SH2D5: variants seen among roughly 807,000 people sequenced by gnomAD.
The protein encoded by SH2D5 is SH2 domain-containing protein 5.
In SH2D5, 45 loss-of-function variants were observed where a neutral mutation model predicts 48.2. The ratio of observed to expected loss-of-function variants is 0.93; its 90% CI spans 0.73 to 1.20. SH2D5 has a LOEUF of 1.20. Ranked by LOEUF, SH2D5 falls within the 50% of genes most tolerant of loss-of-function variation. SH2D5 has a pLI of 0.00. For missense variants in SH2D5, 538 were observed against 584.1 expected (o/e 0.92, Z 0.81); for synonymous variants, 230 against 249.8 (o/e 0.92, Z 0.75).
rs1038181915 is a variant in SH2D5, at chr1:20,720,908, G to C, written c.*884C>G. The C allele has an allele frequency of 6.6e-6, 1 of 152,364 alleles. No individual in the cohort carries two copies. Among genetic ancestry groups the C allele is most frequent in the Non-Finnish European group, 1.5e-5 (1 of 68,166 alleles). 9.4% of individuals were successfully genotyped at this position (152,364 alleles called of 1,614,324 possible). On this transcript the variant is annotated 3_prime_UTR_variant, in exon 10 of 10. Coordinates refer to ENST00000444387, the MANE Select transcript of SH2D5 (RefSeq NM_001103161.2). The stretch of plus-strand genomic sequence containing the variant: ...CAGCCACCAAACCACATGCGGTCGA[G>C]TTAGGAAGGGCCCTGGTCACCCCTC...
rs1382845068 is a variant in SH2D5, at chr1:20,724,066, A to G, written c.799+17T>C. On this transcript the variant is annotated intron_variant, in intron 7 of 9. Transcript: ENST00000444387. Reference sequence around the variant, plus strand: ...TGTCCCAGGTACACACAGGGCAGGCATGTTCCCACAACTCACAGGCCTCCC... The same window carrying G: ...TGTCCCAGGTACACACAGGGCAGGCGTGTTCCCACAACTCACAGGCCTCCC... 6.2e-7 allele frequency: 1 copy of G among 1,606,576 alleles called. No homozygotes were observed. Among genetic ancestry groups the G allele is most frequent in the Non-Finnish European group, 8.5e-7 (1 of 1,175,782 alleles).
In SH2D5 at chr1:20,729,660, C is replaced by T. The variant is rs968594454; in HGVS notation, c.-42-1574G>A. On this transcript the variant is annotated intron_variant, in intron 1 of 9. Transcript: ENST00000444387. The surrounding 1 kb of genome is among the most constrained non-coding windows in gnomAD (Gnocchi z 4.2). ...TATCCAACAGAGCCCTGGGCAGCAA[C>T]GACGGGTCCCGGGTGTGCTCCCACT... 2.0e-5 allele frequency among the ~76,000 whole-genome samples: 3 copies of T among 152,130 alleles called. No homozygotes were observed. Among genetic ancestry groups the T allele is most frequent in the Non-Finnish European group, 2.9e-5 (2 of 68,026 alleles).
intron 5 of SH2D5, among the ~76,000 whole-genome samples, chr1:20,725,162 T>C (rs2054770683): frequency 6.6e-6 from 1 of 152,236 alleles, no homozygotes. Flanking sequence ...GGCCCAGTGC[T>C]TGTCGGGAGC....
Position 20,725,917 on chromosome 1 carries a change from T to C in SH2D5, c.390+3A>G. 3 of 1,612,954 alleles carry C rather than the reference T, an allele frequency of 1.9e-6. No homozygotes were observed. The highest frequency in any genetic ancestry group is 2.2e-5 in the South Asian group (2 of 91,032). ...GCGGTCCCCTGCCTCAAGCCCCAGA[T>C]ACCTCTCCTGGCTGGCTGCCCACAA... On this transcript the variant is annotated splice_donor_region_variant and intron_variant, in intron 5 of 9. Transcript: ENST00000444387.
chr1:20,731,840 G>A (rs1193565020), intron 1 of SH2D5, among the ~76,000 whole-genome samples: 1 of 152,094 alleles, frequency 6.6e-6, no homozygotes, highest in Admixed American at 6.5e-5. Context: ...CCCGGACCCA[G>A]GAGCGTGCTG....
chr1:20,731,967 G>GC (rs1297550104), intron 1 of SH2D5, among the ~76,000 whole-genome samples: 5 of 151,698 alleles, frequency 3.3e-5, no homozygotes, highest in African/African-American at 1.2e-4. Flanking sequence ...AGCGTACCAA[G>GC]CCCCCCGCCC....
rs2054874769 is a variant in SH2D5, at chr1:20,729,927, A to G, written c.-42-1841T>C. ...GGCTGCCCTCCTGCTTTTCTGGGCT[A>G]TTGCACCCGGATCATTTTCATGTCA... On this transcript the variant is annotated intron_variant, in intron 1 of 9. Transcript: ENST00000444387. The surrounding 1 kb of genome is among the most constrained non-coding windows in gnomAD (Gnocchi z 4.2). Among the ~76,000 whole-genome samples the G allele has an allele frequency of 6.6e-6, 1 of 152,194 alleles. No individual in the cohort carries two copies. The highest frequency in any genetic ancestry group is 2.4e-5 in the African/African-American group (1 of 41,444).
In SH2D5 at chr1:20,724,647, GGAGA is replaced by G. The variant is rs1021276120; in HGVS notation, c.391-16_391-13del. 1 of 1,538,744 alleles carries G rather than the reference GGAGA, an allele frequency of 6.5e-7. No homozygotes were observed. Among genetic ancestry groups the G allele is most frequent in the Non-Finnish European group, 8.7e-7 (1 of 1,144,730 alleles). ...TGCAGGATCTGGACCTGGGAGGGAG[GGAGA>G]GAGGTGGGCTCAGCTGGAGGAGGTC... is the stretch of plus-strand genomic sequence containing the variant. On this transcript the variant is annotated splice_polypyrimidine_tract_variant and intron_variant, in intron 5 of 9. Transcript: ENST00000444387.
At chr1:20,727,771 C>G (rs777691322) in intron 2 of SH2D5, among the ~76,000 whole-genome samples, 168 bp from the exon 3 acceptor site, 1 of 152,232 alleles carries the variant, frequency 6.6e-6, no homozygotes, top group Non-Finnish European at 1.5e-5. Context: ...AGCAGGAGAC[C>G]TTGGTCAGGT....
intron 6 of SH2D5, 69 bp downstream of exon 6, chr1:20,724,327 G>A: frequency 6.2e-7 from 1 of 1,601,398 alleles, no homozygotes; most frequent in South Asian, 1.1e-5. Context: ...CCCCTGCCCT[G>A]ACATGCCCCC....
In SH2D5 at chr1:20,728,086, G is replaced by T; in HGVS notation, c.-42C>A. The T allele has an allele frequency of 7.1e-7, 1 of 1,400,456 alleles. No homozygotes were observed. Among genetic ancestry groups the T allele is most frequent in the Non-Finnish European group, 9.8e-7 (1 of 1,022,090 alleles). The allele number at this position is 1,400,456 out of a possible 1,614,324, so 86.8% of individuals were successfully genotyped here. On this transcript the variant is annotated splice_region_variant and 5_prime_UTR_variant, in exon 2 of 10. Transcript: ENST00000444387. This position sits in a 1 kb window ranked among gnomAD's most constrained non-coding sequence, Gnocchi z 4.3. ...GGCTTCCAGCTCCACGGGAGGGGAG[G>T]CTGCAAAGGGCAGGGGGGGAAGGGC...
intron 1 of SH2D5, chr1:20,731,462 G>C (rs921902310): frequency 6.6e-6 from 1 of 152,364 alleles, no homozygotes; most frequent in African/African-American, 2.4e-5. Flanking sequence ...TGGGGTGCTC[G>C]TAGCTCTGGT....
Position 20,729,481 on chromosome 1 carries a change from G to C in SH2D5, c.-42-1395C>G, listed in dbSNP as rs2054867081. 6.6e-6 allele frequency among the ~76,000 whole-genome samples: 1 copy of C among 152,202 alleles called. No individual in the cohort carries two copies. The highest frequency in any genetic ancestry group is 1.5e-5 in the Non-Finnish European group (1 of 68,026). The stretch of plus-strand genomic sequence containing the variant: ...GAGGAGTAGATGGGGACAGAATGGA[G>C]GAGGCAGCGCCCAGCCCGACGCCAG... On this transcript the variant is annotated intron_variant, in intron 1 of 9. Coordinates refer to ENST00000444387, the MANE Select transcript of SH2D5 (RefSeq NM_001103161.2). This position sits in a 1 kb window ranked among gnomAD's most constrained non-coding sequence, Gnocchi z 4.2.
Position 20,728,019 on chromosome 1 carries a change from C to CGGCCCCCAGCCCCCGCCTTCTGCAT in SH2D5, c.1_25dup (p.Arg9HisfsTer13). On this transcript the variant is annotated frameshift_variant, in exon 2 of 10. Transcript: ENST00000444387. LOFTEE classifies it high-confidence loss of function. This position sits in a 1 kb window ranked among gnomAD's most constrained non-coding sequence, Gnocchi z 4.3. Reference sequence around the variant, plus strand: ...GGCCAGCCCGCAGTCAGAGGCCCTGCGGCCCCCAGCCCCCGCCTTCTGCAT... The same window carrying CGGCCCCCAGCCCCCGCCTTCTGCAT: ...GGCCAGCCCGCAGTCAGAGGCCCTGCGGCCCCCAGCCCCCGCCTTCTGCATGGCCCCCAGCCCCCGCCTTCTGCAT... The CGGCCCCCAGCCCCCGCCTTCTGCAT allele has an allele frequency of 6.4e-7, 1 of 1,556,928 alleles. No homozygotes were observed. Among genetic ancestry groups the CGGCCCCCAGCCCCCGCCTTCTGCAT allele is most frequent in the Non-Finnish European group, 8.7e-7 (1 of 1,151,634 alleles).
At position 20,729,661 on chromosome 1, in the gene SH2D5, G is replaced by A. The variant is rs763310226; in HGVS notation, c.-42-1575C>T. Among the ~76,000 whole-genome samples, 13 of 152,036 alleles carry A rather than the reference G, an allele frequency of 8.6e-5. No homozygotes were observed. Among genetic ancestry groups the A allele is most frequent in the African/African-American group, 3.1e-4 (13 of 41,380 alleles). On this transcript the variant is annotated intron_variant, in intron 1 of 9. Coordinates refer to ENST00000444387, the MANE Select transcript of SH2D5 (RefSeq NM_001103161.2). The surrounding 1 kb of genome is among the most constrained non-coding windows in gnomAD (Gnocchi z 4.2). ...ATCCAACAGAGCCCTGGGCAGCAACGACGGGTCCCGGGTGTGCTCCCACTC... is the reference window on the plus strand; with the variant it reads ...ATCCAACAGAGCCCTGGGCAGCAACAACGGGTCCCGGGTGTGCTCCCACTC...
chr1:20,728,212 C>T lies in SH2D5; in HGVS notation c.-42-126G>A, dbSNP rs1255566704. 8 of 602,670 alleles carry T rather than the reference C, an allele frequency of 1.3e-5. No individual in the cohort carries two copies. In the East Asian group the frequency reaches 2.2e-4, roughly 17 times the overall value. 37.3% of individuals were successfully genotyped at this position (602,670 alleles called of 1,614,324 possible). On this transcript the variant is annotated intron_variant, in intron 1 of 9. Transcript: ENST00000444387. This position sits in a 1 kb window ranked among gnomAD's most constrained non-coding sequence, Gnocchi z 4.3. Reference sequence around the variant, plus strand: ...TGTGCAGCACGGCTGCGCAATGTCCCGGGCCCTGGGGAGCCAGCCCAGAAG... The same window carrying T: ...TGTGCAGCACGGCTGCGCAATGTCCTGGGCCCTGGGGAGCCAGCCCAGAAG...
At chr1:20,723,523 C>G in intron 8 of SH2D5, 103 bp downstream of exon 8, 1 of 866,084 alleles carries the variant, frequency 1.2e-6, no homozygotes, top group South Asian at 1.6e-5. Context: ...GTTGGGAGCG[C>G]TCTGCCCGTG....
rs1230882214 is a variant in SH2D5 at position 20,719,787 on chromosome 1, C to A, written c.*2005G>T. 6.6e-6 allele frequency: 1 copy of A among 152,128 alleles called. No individual in the cohort carries two copies. The highest frequency in any genetic ancestry group is 1.9e-4 in the East Asian group (1 of 5,204). The allele number at this position is 152,128 out of a possible 1,614,324, so 9.4% of individuals were successfully genotyped here. A position where few individuals can be genotyped will look rare whatever the true frequency, so the allele number is the denominator to read the frequency against. ...CACACAGCAAGGAAAGTGGGGCTAC[C>A]GAGGTGGCGCAGATTGGAACAAAGA... On this transcript the variant is annotated 3_prime_UTR_variant, in exon 10 of 10. Coordinates refer to ENST00000444387, the MANE Select transcript of SH2D5 (RefSeq NM_001103161.2).
Position 20,724,566 on chromosome 1 carries a change from G to T in SH2D5, c.460C>A (p.Arg154=). The change falls in exon 6 of 10, where the codon CGG becomes AGG. Residue 154 remains arginine (R), a synonymous_variant. Coordinates refer to ENST00000444387, the MANE Select transcript of SH2D5 (RefSeq NM_001103161.2). Reference sequence around the variant, plus strand: ...CCTGGGCAGGGCTCTGGCTGTGCCCGCTCCTCAGGGTGCTGCAAGAGGTAA... The same window carrying T: ...CCTGGGCAGGGCTCTGGCTGTGCCCTCTCCTCAGGGTGCTGCAAGAGGTAA... ...LAYLLQHPEE[R]AQPEPCPGPT... 2.5e-6 allele frequency: 4 copies of T among 1,597,830 alleles called. No homozygotes were observed. Among genetic ancestry groups the T allele is most frequent in the Non-Finnish European group, 2.6e-6 (3 of 1,173,394 alleles).
Sources: gnomAD v4.1 joint callset for allele counts (sites outside exome capture counted in the v4.1 genomes callset) on GRCh38, gnomAD v4.1.1 for gene constraint, Gnocchi (gnomAD v3.1) non-coding constraint, MANE v1.5 for transcripts, NCBI Gene and HGNC (gene_info 2026-07-23, HGNC 2026-07-21) for gene names.